The following EYA4 variants were observed in gnomAD, a reference collection of about 807,000 sequenced individuals.
EYA4 encodes EYA transcriptional coactivator and phosphatase 4.
EYA4 carries 31 observed loss-of-function variants against 87.9 expected under a neutral mutation model. The observed-to-expected ratio is 0.35, with a 90% CI of 0.27 to 0.48. The LOEUF is 0.48. Among genes scored for constraint, EYA4 ranks in the 20% least tolerant of loss-of-function variants. The pLI is 0.99. For synonymous variants in EYA4, 263 were observed against 270.6 expected, an observed-to-expected ratio of 0.97 and a Z score of 0.28; for missense variants, 678 against 761.4, an observed-to-expected ratio of 0.89 and a Z score of 1.29.
chr6:133,444,811 A>G (rs1039974362), intron 3 of EYA4, among the ~76,000 whole-genome samples: 2 of 152,232 alleles, frequency 1.3e-5, no homozygotes, highest in Admixed American at 6.5e-5. Flanking sequence ...TGGGCAGCGT[A>G]CTAAAGTAGC....
chr6:133,431,366 G>A (rs186141125), intron 3 of EYA4, among the ~76,000 whole-genome samples: 56 of 152,232 alleles, frequency 3.7e-4, no homozygotes, highest in African/African-American at 1.3e-3. Context: ...GGCTTGGGGA[G>A]ATAAAGTTCA....
At chr6:133,241,038 TG>T (rs1490044001), upstream of EYA4, among the ~76,000 whole-genome samples, 4 of 102,928 alleles carry the variant, frequency 3.9e-5, no homozygotes, top group Admixed American at 3.6e-4. Flanking sequence ...TCGGCCCGGG[TG>T]GGGGCGGGGT....
chr6:133,370,830 T>G (rs1785211888), intron 2 of EYA4, among the ~76,000 whole-genome samples: 1 of 152,164 alleles, frequency 6.6e-6, no homozygotes, highest in African/African-American at 2.4e-5. Context: ...AGAGAATGAG[T>G]GTTTCCCTCC....
At chr6:133,279,934 A>G (rs995631449) in intron 2 of EYA4, among the ~76,000 whole-genome samples, 3 of 152,202 alleles carry the variant, frequency 2.0e-5, no homozygotes, top group Non-Finnish European at 4.4e-5. Flanking sequence ...ATTTTTGTTT[A>G]AATCATTTTT....
At chr6:133,419,493 T>G (rs1212055973) in intron 3 of EYA4, among the ~76,000 whole-genome samples, 4 of 152,196 alleles carry the variant, frequency 2.6e-5, no homozygotes, top group African/African-American at 9.6e-5. Context: ...AGGAAATGGA[T>G]TCTATCATAT....
At chr6:133,319,277 G>A (rs912321700) in intron 2 of EYA4, among the ~76,000 whole-genome samples, 3 of 152,220 alleles carry the variant, frequency 2.0e-5, no homozygotes, top group South Asian at 2.1e-4. Context: ...GGCATAAGCC[G>A]GAAGTTGTGA....
chr6:133,511,004 C>T (rs769394143), intron 14 of EYA4, among the ~76,000 whole-genome samples: 6 of 152,222 alleles, frequency 3.9e-5, no homozygotes, highest in Non-Finnish European at 7.4e-5. Flanking sequence ...GGGACCCATA[C>T]GTGTAGGTGG....
At chr6:133,447,103 G>A (rs1187960944) in intron 4 of EYA4, among the ~76,000 whole-genome samples, 3 of 152,090 alleles carry the variant, frequency 2.0e-5, no homozygotes, top group African/African-American at 7.2e-5. Flanking sequence ...GTATGTGTGT[G>A]TGTACACACT....
At chr6:133,499,341 C>G (rs1490637787) in intron 13 of EYA4, among the ~76,000 whole-genome samples, 1 of 152,160 alleles carries the variant, frequency 6.6e-6, no homozygotes, top group African/African-American at 2.4e-5. Context: ...TCTCTGGGCC[C>G]TGTGCTTTCT....
chr6:133,255,244 T>A (rs1166941379), intron 1 of EYA4, among the ~76,000 whole-genome samples: 1 of 152,234 alleles, frequency 6.6e-6, no homozygotes, highest in Non-Finnish European at 1.5e-5. Flanking sequence ...AAGCAAGTTT[T>A]TTTTTTTAAT....
chr6:133,282,422 C>T (rs1777700316), intron 2 of EYA4, among the ~76,000 whole-genome samples: 1 of 152,104 alleles, frequency 6.6e-6, no homozygotes, highest in Non-Finnish European at 1.5e-5. Flanking sequence ...CCTTTTCCTA[C>T]TTCTAAGTAT....
At chr6:133,445,362 T>A (rs1473748142) in intron 3 of EYA4, among the ~76,000 whole-genome samples, 14 of 152,082 alleles carry the variant, frequency 9.2e-5, no homozygotes, top group Non-Finnish European at 2.1e-4. Context: ...ATATTTACAT[T>A]TATGTTATTC....
chr6:133,473,098 T>C (rs1049416029), intron 11 of EYA4, among the ~76,000 whole-genome samples: 1 of 152,080 alleles, frequency 6.6e-6, no homozygotes, highest in South Asian at 2.1e-4. Context: ...AAAATATCAT[T>C]AATTTGTTCA....
At chr6:133,417,238 C>T (rs2128553480) in intron 3 of EYA4, among the ~76,000 whole-genome samples, 1 of 152,288 alleles carries the variant, frequency 6.6e-6, no homozygotes, top group South Asian at 2.1e-4. Context: ...GCATTTCAGG[C>T]AGAACCAACA....
At chr6:133,418,041 T>C (rs932736128) in intron 3 of EYA4, among the ~76,000 whole-genome samples, 4 of 152,236 alleles carry the variant, frequency 2.6e-5, no homozygotes, top group African/African-American at 9.6e-5. Context: ...AGATTTAAGT[T>C]GCCTTAAGCT....
At chr6:133,385,689 A>G (rs1011640816) in intron 3 of EYA4, among the ~76,000 whole-genome samples, 2 of 152,122 alleles carry the variant, frequency 1.3e-5, no homozygotes, top group Non-Finnish European at 2.9e-5. Flanking sequence ...ATGCAGATGG[A>G]AAGTGTTTTT....
In EYA4 at chr6:133,461,006, T is replaced by C. The variant is rs562615831; in HGVS notation, c.371-108T>C. 4.6e-4 allele frequency: 367 copies of C among 802,278 alleles called. 4 individuals are homozygous for C. The highest frequency in any genetic ancestry group is 3.5e-3 in the South Asian group (253 of 72,518). The allele number at this position is 802,278 out of a possible 1,614,324, so 49.7% of individuals were successfully genotyped here. ...TGTTTCCTTTTAGAAAATGAATTTC[T>C]GGAAACATGTATTTAACATGGTAAT... is the stretch of plus-strand genomic sequence containing the variant. On this transcript the variant is annotated intron_variant, in intron 6 of 19. Transcript: ENST00000355286.
At chr6:133,394,282 G>GTATTTTTTTTTTTTTTTTT (rs1562368948) in intron 3 of EYA4, among the ~76,000 whole-genome samples, 1 of 107,846 alleles carries the variant, frequency 9.3e-6, no homozygotes, top group East Asian at 2.7e-4. Context: ...ATATAAGCTT[G>GTATTTTTTTTTTTTTTTTT]TGTTTTTTTT....
chr6:133,398,343 C>T lies in EYA4; in HGVS notation c.83+15902C>T, dbSNP rs937474295. 5.3e-5 allele frequency among the ~76,000 whole-genome samples: 8 copies of T among 152,060 alleles called. No individual in the cohort carries two copies. The East Asian group carries it at 1.2e-3, about 22-fold the overall frequency. On this transcript the variant is annotated intron_variant, in intron 3 of 19. Coordinates refer to ENST00000355286, the MANE Select transcript of EYA4 (RefSeq NM_004100.5). ...CTTTTACTTTCTAAATATTCTTACT[C>T]CTTTTCTTATGGGGGAAAGAATTTT...
Sources: allele counts gnomAD v4.1 joint callset (sites outside exome capture counted in the v4.1 genomes callset), GRCh38; gene constraint gnomAD v4.1.1; transcripts MANE v1.5; gene names NCBI Gene and HGNC (gene_info 2026-07-23, HGNC 2026-07-21).